Variants in KANK4 observed in about 807,000 individuals in gnomAD.
KANK4 encodes the protein KN motif and ankyrin repeat domains 4, also known as KN motif and ankyrin repeat domain-containing protein 4.
A neutral mutation model predicts 80.8 loss-of-function variants in KANK4; 50 were observed. That is an observed-to-expected ratio of 0.62 (90% confidence interval 0.49 to 0.78). KANK4 has a LOEUF of 0.78. Ranked by LOEUF, KANK4 falls within the 30% of genes least tolerant of loss-of-function variation. The pLI is 0.00. For missense variants in KANK4, 1,196 were observed against 1,240.1 expected, an observed-to-expected ratio of 0.96 and a Z score of 0.53; for synonymous variants, 465 against 506.9, an observed-to-expected ratio of 0.92 and a Z score of 1.11.
chr1:62,278,324 C>T (rs6695862), intron 2 of KANK4, among the ~76,000 whole-genome samples: 8,233 of 18,288 alleles, frequency 0.45, 1,499 homozygotes, highest in East Asian at 0.7. Flanking sequence ...TTTCTTTCTT[C>T]CTTCCTTCCT....
At chr1:62,297,267 ATACT>A (rs1482861641) in intron 1 of KANK4, among the ~76,000 whole-genome samples, 4 of 146,498 alleles carry the variant, frequency 2.7e-5, no homozygotes, top group Non-Finnish European at 4.4e-5. Flanking sequence ...ATACTAGTAA[ATACT>A]TACACTGTTA....
At chr1:62,313,721 GA>G (rs766121883) in intron 1 of KANK4, among the ~76,000 whole-genome samples, 13 of 152,066 alleles carry the variant, frequency 8.5e-5, no homozygotes, top group Non-Finnish European at 1.9e-4. Context: ...CAAGGGGAGG[GA>G]GAGCATTAGG....
chr1:62,255,167 G>T (rs1671722947), intron 7 of KANK4, among the ~76,000 whole-genome samples: 2 of 152,094 alleles, frequency 1.3e-5, no homozygotes, highest in African/African-American at 4.8e-5. Flanking sequence ...TTACAGGCAT[G>T]AGCCACGGTG....
chr1:62,253,331 C>T, intron 7 of KANK4, 122 bp from the exon 8 acceptor site: 1 of 779,886 alleles, frequency 1.3e-6, no homozygotes, highest in Non-Finnish European at 1.9e-6. Context: ...GCAATGCTTT[C>T]CACAGCTGGA....
rs753252285 is a variant in KANK4 at position 62,268,518 on chromosome 1, A to G, written c.2013-13T>C. The G allele has an allele frequency of 3.7e-6, 6 of 1,607,732 alleles. No homozygotes were observed. The South Asian group carries it at 6.6e-5, about 18-fold the overall frequency. On this transcript the variant is annotated splice_polypyrimidine_tract_variant and intron_variant, in intron 4 of 9. Transcript: ENST00000371153. ...GGTGGTCTCATACCTGGGGTAGAAA[A>G]CAAAGGTCACTCGTCCTGTCTTTCC... is the stretch of plus-strand genomic sequence containing the variant.
chr1:62,291,476 C>T (rs940387070), intron 1 of KANK4, among the ~76,000 whole-genome samples: 3 of 152,224 alleles, frequency 2.0e-5, no homozygotes, highest in Non-Finnish European at 4.4e-5. Flanking sequence ...GGGTCTCACT[C>T]TGTTGCCCAG....
At chr1:62,318,142 C>T (rs949236766) in intron 1 of KANK4, among the ~76,000 whole-genome samples, 6 of 152,188 alleles carry the variant, frequency 3.9e-5, no homozygotes, top group Admixed American at 2.0e-4. Context: ...ATGCCTCAGC[C>T]GGGTCACTGG....
chr1:62,242,361 C>CAACAAAAAAAAAA (rs1671363190), intron 9 of KANK4, among the ~76,000 whole-genome samples: 1 of 66,136 alleles, frequency 1.5e-5, no homozygotes, highest in African/African-American at 7.3e-5. Context: ...GACCATACCT[C>CAACAAAAAAAAAA]AAAAAAAAAA....
chr1:62,313,772 C>T (rs1397492402), intron 1 of KANK4, among the ~76,000 whole-genome samples: 4 of 152,032 alleles, frequency 2.6e-5, no homozygotes, highest in Middle Eastern at 3.2e-3. Flanking sequence ...ACCTAGATGA[C>T]GGGTTGATAG....
At chr1:62,267,489 C>CT (rs766120349) in intron 5 of KANK4, among the ~76,000 whole-genome samples, 4 of 152,134 alleles carry the variant, frequency 2.6e-5, no homozygotes, top group Non-Finnish European at 4.4e-5. Flanking sequence ...TGGTGCCTGG[C>CT]TGCTCCCATC....
Position 62,238,311 on chromosome 1 carries a change from G to T in KANK4, c.2954C>A (p.Ala985Asp). The T allele has an allele frequency of 6.2e-7, 1 of 1,614,064 alleles. No homozygotes were observed. The highest frequency in any genetic ancestry group is 2.2e-5 in the East Asian group (1 of 44,876). The stretch of plus-strand genomic sequence containing the variant: ...CAGGGACCTGCCCTGCTCCGCGTGG[G>T]CTCTCAGAAGCCCAGCAATTTCCAT... Reference protein sequence around the residue: ...THMEIAGLLRAHAEQGRSLGL With the variant: ...THMEIAGLLRDHAEQGRSLGL The change falls in exon 10 of 10, where the codon GCC becomes GAC. Residue 985 changes from alanine to aspartate, a missense_variant. This residue lies in a region of KANK4 where 1,154 missense variants were observed against 1,179.6 expected (regional missense o/e 0.98). Coordinates refer to ENST00000371153, the MANE Select transcript of KANK4 (RefSeq NM_181712.5).
chr1:62,249,668 G>A (rs746336449), intron 8 of KANK4, among the ~76,000 whole-genome samples: 4 of 150,776 alleles, frequency 2.7e-5, no homozygotes, highest in African/African-American at 9.8e-5. Flanking sequence ...TCAGCCTCCC[G>A]AGTAGCTGGG....
chr1:62,279,915 G>T (rs553724800), intron 2 of KANK4, among the ~76,000 whole-genome samples: 97 of 152,286 alleles, frequency 6.4e-4, no homozygotes, highest in Non-Finnish European at 1.3e-3. Context: ...GAGAACAACA[G>T]ATCACTAGAT....
At chr1:62,279,658 C>T (rs368601419) in intron 2 of KANK4, among the ~76,000 whole-genome samples, 10 of 152,242 alleles carry the variant, frequency 6.6e-5, no homozygotes, top group Non-Finnish European at 1.0e-4. Context: ...ATTATTAGCA[C>T]GAATGCACTA....
chr1:62,272,947 T>C (rs1254404069), intron 3 of KANK4, among the ~76,000 whole-genome samples: 2 of 151,880 alleles, frequency 1.3e-5, no homozygotes, highest in Admixed American at 6.6e-5. Context: ...CCTGCCACCA[T>C]GCCCGGCTAA....
intron 4 of KANK4, among the ~76,000 whole-genome samples, chr1:62,269,066 C>G (rs1239958248): frequency 6.6e-6 from 1 of 152,222 alleles, no homozygotes; most frequent in Admixed American, 6.5e-5. Flanking sequence ...GTGGGATACC[C>G]CAGCACAGCA....
intron 8 of KANK4, among the ~76,000 whole-genome samples, chr1:62,247,929 T>C (rs28648945): frequency 3.3e-5 from 5 of 152,220 alleles, no homozygotes; most frequent in East Asian, 3.9e-4. Context: ...CCACTTAGTA[T>C]TGCAACTTGT....
chr1:62,240,459 T>C (rs11207942), intron 9 of KANK4, among the ~76,000 whole-genome samples: 51,159 of 152,056 alleles, frequency 0.34, 8,885 homozygotes, highest in Non-Finnish European at 0.37. Flanking sequence ...CACCTGAGGT[T>C]GGGAGTTCAA....
chr1:62,242,924 C>T lies in KANK4; in HGVS notation c.2884-4543G>A, dbSNP rs370185527. Among the ~76,000 whole-genome samples, 79 of 152,300 alleles carry T rather than the reference C, an allele frequency of 5.2e-4. No homozygotes were observed. The South Asian group carries it at 0.016, about 30-fold the overall frequency. On this transcript the variant is annotated intron_variant, in intron 9 of 9. Coordinates refer to ENST00000371153, the MANE Select transcript of KANK4 (RefSeq NM_181712.5). The stretch of plus-strand genomic sequence containing the variant: ...GCTCCCTTTTCCCACTGAAATGTCT[C>T]ACCCTGTGGATGGAGACACTGTGCT...
Sources: allele counts gnomAD v4.1 joint callset (sites outside exome capture counted in the v4.1 genomes callset), GRCh38; gene constraint gnomAD v4.1.1; regional missense constraint gnomAD v4.1.1; transcripts MANE v1.5; gene names NCBI Gene and HGNC (gene_info 2026-07-23, HGNC 2026-07-21).